DPEP2: variants seen among roughly 807,000 people sequenced by gnomAD.
DPEP2 encodes dipeptidase 2.
In DPEP2, 45 loss-of-function variants were observed where a neutral mutation model predicts 51.8. The observed-to-expected ratio is 0.87, with a 90% CI of 0.68 to 1.11. DPEP2 has a LOEUF of 1.11. DPEP2 is among the 50% of genes most tolerant of loss of function. The probability of loss-of-function intolerance (pLI) is 0.00; values close to 1 mark genes in which losing one functional copy is unlikely to be tolerated. For synonymous variants in DPEP2, 255 were observed against 262.7 expected (o/e 0.97, Z 0.28); for missense variants, 604 against 631.9 (o/e 0.96, Z 0.47).
At chr16:67,992,475 G>A in intron 3 of DPEP2, 35 bp downstream of exon 3, 1 of 1,588,640 alleles carries the variant, frequency 6.3e-7, no homozygotes, top group South Asian at 1.1e-5. Context: ...TCCCCCAGCA[G>A]CCATGCTGTG....
In DPEP2 at chr16:67,991,279, A is replaced by G; in HGVS notation, c.663-95T>C. 7.7e-7 allele frequency: 1 copy of G among 1,299,712 alleles called. No individual in the cohort carries two copies. The highest frequency in any genetic ancestry group is 1.1e-6 in the Non-Finnish European group (1 of 928,178). The allele number at this position is 1,299,712 out of a possible 1,614,324, so 80.5% of individuals were successfully genotyped here. The stretch of plus-strand genomic sequence containing the variant: ...CACCCTCCATCCCTGCACCCCCCTG[A>G]AACAAAAACAGGGATCCAAAATGGG... On this transcript the variant is annotated intron_variant, in intron 5 of 10. Transcript: ENST00000393847. This position sits in a 1 kb window ranked among gnomAD's most constrained non-coding sequence, Gnocchi z 5.1.
At chr16:67,988,318 G>A (rs982761034) in intron 9 of DPEP2, among the ~76,000 whole-genome samples, 2 of 152,044 alleles carry the variant, frequency 1.3e-5, no homozygotes, top group African/African-American at 4.8e-5. Flanking sequence ...GCCAAGGTGG[G>A]CGGATCACTT....
chr16:67,992,244 C>G, intron 3 of DPEP2, 51 bp from the exon 4 acceptor site: 1 of 1,594,700 alleles, frequency 6.3e-7, no homozygotes, highest in Non-Finnish European at 8.6e-7. Context: ...TTGGAGGACC[C>G]TGGACTGCTC....
At chr16:67,996,720 C>T (rs1326029617) in intron 1 of DPEP2, among the ~76,000 whole-genome samples, 2 of 151,750 alleles carry the variant, frequency 1.3e-5, no homozygotes, top group Non-Finnish European at 1.5e-5. Context: ...CTCCAGAGCC[C>T]GAATGTCTGA....
rs1256154211 is a variant in DPEP2 at position 67,991,261 on chromosome 16, C to T, written c.663-77G>A. On this transcript the variant is annotated intron_variant, in intron 5 of 10. Coordinates refer to ENST00000393847, the MANE Select transcript of DPEP2 (RefSeq NM_022355.4). This position sits in a 1 kb window ranked among gnomAD's most constrained non-coding sequence, Gnocchi z 5.1. ...GAGTCTAGAGGCCCTACCCACCCTC[C>T]ATCCCTGCACCCCCCTGAAACAAAA... 7 of 1,439,832 alleles carry T rather than the reference C, an allele frequency of 4.9e-6. No homozygotes were observed. The highest frequency in any genetic ancestry group is 1.4e-5 in the African/African-American group (1 of 71,238). 89.2% of individuals were successfully genotyped at this position (1,439,832 alleles called of 1,614,324 possible).
intron 10 of DPEP2, 37 bp downstream of exon 10, chr16:67,987,815 A>G (rs1234247481): frequency 6.2e-7 from 1 of 1,614,026 alleles, no homozygotes. Flanking sequence ...ACACTTGCTC[A>G]GACCCCTCGG....
chr16:67,998,321 C>T (rs908678081), intron 1 of DPEP2, among the ~76,000 whole-genome samples: 24 of 152,256 alleles, frequency 1.6e-4, no homozygotes, highest in African/African-American at 5.3e-4. Flanking sequence ...GCCCGCGGGC[C>T]CTGCTGGCCC....
At chr16:67,990,202 G>A (rs376520005) in intron 7 of DPEP2, 71 bp from the exon 8 acceptor site, 55 of 1,454,508 alleles carry the variant, frequency 3.8e-5, no homozygotes, top group Admixed American at 2.4e-4. Context: ...GCCACCCTCT[G>A]GATCCCTGGA....
At chr16:67,995,212 T>TA (rs1304311704) in intron 1 of DPEP2, among the ~76,000 whole-genome samples, 1 of 152,008 alleles carries the variant, frequency 6.6e-6, no homozygotes, top group Non-Finnish European at 1.5e-5. Context: ...TTTTTTTATT[T>TA]TTTATTTATT....
chr16:67,991,623 C>T lies in DPEP2; in HGVS notation c.662+215G>A, dbSNP rs1269910189. 4 of 659,178 alleles carry T rather than the reference C, an allele frequency of 6.1e-6. No homozygotes were observed. The highest frequency in any genetic ancestry group is 9.9e-6 in the Non-Finnish European group (4 of 402,936). 40.8% of individuals were successfully genotyped at this position (659,178 alleles called of 1,614,324 possible). On this transcript the variant is annotated intron_variant, in intron 5 of 10. Transcript: ENST00000393847. This position sits in a 1 kb window ranked among gnomAD's most constrained non-coding sequence, Gnocchi z 5.1. ...GAACTCCTGGCCTTAAGTTATCTGT[C>T]CGCCTCAGCCTCCCAAAGTTTTGGG...
rs2032117542 is a variant in DPEP2, at chr16:67,991,262, A to C, written c.663-78T>G. ...AGTCTAGAGGCCCTACCCACCCTCC[A>C]TCCCTGCACCCCCCTGAAACAAAAA... is the stretch of plus-strand genomic sequence containing the variant. On this transcript the variant is annotated intron_variant, in intron 5 of 10. Transcript: ENST00000393847. This position sits in a 1 kb window ranked among gnomAD's most constrained non-coding sequence, Gnocchi z 5.1. 6.9e-6 allele frequency: 10 copies of C among 1,439,314 alleles called. No homozygotes were observed. In the Admixed American group the frequency reaches 1.9e-4, roughly 27 times the overall value. The allele number at this position is 1,439,314 out of a possible 1,614,324, so 89.2% of individuals were successfully genotyped here.
intron 9 of DPEP2, 123 bp from the exon 10 acceptor site, chr16:67,988,110 A>G (rs563934972): frequency 8.0e-6 from 10 of 1,248,390 alleles, no homozygotes; most frequent in South Asian, 4.2e-5. Context: ...TGGAGAGAGT[A>G]GGTAATTCTC....
chr16:67,997,749 T>A (rs1335741633), intron 1 of DPEP2, among the ~76,000 whole-genome samples: 1 of 152,042 alleles, frequency 6.6e-6, no homozygotes, highest in Non-Finnish European at 1.5e-5. Context: ...TGAAGGGGCC[T>A]GTAAGGGGGA....
intron 8 of DPEP2, among the ~76,000 whole-genome samples, chr16:67,989,765 C>A (rs770039759): frequency 3.3e-5 from 5 of 152,224 alleles, no homozygotes; most frequent in Non-Finnish European, 7.3e-5. Context: ...ACCTAAGGGG[C>A]CTTCCCCTTC....
At position 67,991,692 on chromosome 16, in the gene DPEP2, A is replaced by C. The variant is rs1019588546; in HGVS notation, c.662+146T>G. The C allele has an allele frequency of 5.1e-5, 64 of 1,266,526 alleles. No individual in the cohort carries two copies. Among genetic ancestry groups the C allele is most frequent in the Middle Eastern group, 2.8e-4 (1 of 3,620 alleles). The allele number at this position is 1,266,526 out of a possible 1,614,324, so 78.5% of individuals were successfully genotyped here. On this transcript the variant is annotated intron_variant, in intron 5 of 10. Coordinates refer to ENST00000393847, the MANE Select transcript of DPEP2 (RefSeq NM_022355.4). The surrounding 1 kb of genome is among the most constrained non-coding windows in gnomAD (Gnocchi z 5.1). ...CGCGTCTGGCCAGGGGTCAAGTCGTATTCTGAAAACCAGAATCCCAGCTCC... is the reference window on the plus strand; with the variant it reads ...CGCGTCTGGCCAGGGGTCAAGTCGTCTTCTGAAAACCAGAATCCCAGCTCC...
Position 67,991,130 on chromosome 16 carries a change from C to T in DPEP2, c.717G>A (p.Leu239=), listed in dbSNP as rs1469080208. ...VHSFYNNISG[L]TDFGEKVVAE... ...GGGTCCTCACCTCACCAAAGTCAGT[C>T]AGCCCGCTGATGTTGTTGTAGAAGG... Residue 239 remains leucine (L), a synonymous_variant, in exon 6 of 11, where the codon CTG becomes CTA. Coordinates refer to ENST00000393847, the MANE Select transcript of DPEP2 (RefSeq NM_022355.4). This position sits in a 1 kb window ranked among gnomAD's most constrained non-coding sequence, Gnocchi z 5.1. 4 of 1,614,032 alleles carry T rather than the reference C, an allele frequency of 2.5e-6. No individual in the cohort carries two copies. Among genetic ancestry groups the T allele is most frequent in the Non-Finnish European group, 2.5e-6 (3 of 1,180,042 alleles).
In DPEP2 at chr16:67,991,078, CATTT is replaced by C. The variant is rs751166806; in HGVS notation, c.732+33_732+36del. On this transcript the variant is annotated intron_variant, in intron 6 of 10. Transcript: ENST00000393847. This position sits in a 1 kb window ranked among gnomAD's most constrained non-coding sequence, Gnocchi z 5.1. ...TTGTAAGAAACAGCTGGGGTGTGCA[CATTT>C]GTTTGGGGTGGAGTGTGAACCAGGG... is the stretch of plus-strand genomic sequence containing the variant. The C allele has an allele frequency of 1.3e-4, 216 of 1,614,180 alleles. No homozygotes were observed. Among genetic ancestry groups the C allele is most frequent in the Non-Finnish European group, 1.7e-4 (202 of 1,180,010 alleles).
At chr16:67,998,038 G>A (rs1482865667) in intron 1 of DPEP2, among the ~76,000 whole-genome samples, 1 of 152,184 alleles carries the variant, frequency 6.6e-6, no homozygotes, top group African/African-American at 2.4e-5. Flanking sequence ...CCTAATGAGA[G>A]GTGACAGCGT....
Position 67,991,758 on chromosome 16 carries a change from G to T in DPEP2, c.662+80C>A. 3 of 1,563,384 alleles carry T rather than the reference G, an allele frequency of 1.9e-6. No homozygotes were observed. The highest frequency in any genetic ancestry group is 2.6e-6 in the Non-Finnish European group (3 of 1,151,744). On this transcript the variant is annotated intron_variant, in intron 5 of 10. Coordinates refer to ENST00000393847, the MANE Select transcript of DPEP2 (RefSeq NM_022355.4). This position sits in a 1 kb window ranked among gnomAD's most constrained non-coding sequence, Gnocchi z 5.1. ...GTCAGTGCCACATCCCATGGGTAAAGCTTGTTCTGGGCCCACAGTGACCTC... is the reference window on the plus strand; with the variant it reads ...GTCAGTGCCACATCCCATGGGTAAATCTTGTTCTGGGCCCACAGTGACCTC...
Sources: allele counts gnomAD v4.1 joint callset (sites outside exome capture counted in the v4.1 genomes callset), GRCh38; gene constraint gnomAD v4.1.1; non-coding constraint Gnocchi (gnomAD v3.1); transcripts MANE v1.5; gene names NCBI Gene and HGNC (gene_info 2026-07-23, HGNC 2026-07-21).